Variants in RASGRF2 observed in about 807,000 individuals in gnomAD.
RASGRF2 encodes ras-specific guanine nucleotide-releasing factor 2.
In RASGRF2, 76 loss-of-function variants were observed where a neutral mutation model predicts 151.0. The observed-to-expected ratio is 0.50, with a 90% CI of 0.42 to 0.61. The LOEUF (loss-of-function observed/expected upper bound fraction) is 0.61, where lower values mean the gene tolerates loss of function less well. RASGRF2 is among the 20% of genes least tolerant of loss of function. The probability of loss-of-function intolerance (pLI) is 0.00; values close to 1 mark genes in which losing one functional copy is unlikely to be tolerated. For synonymous variants in RASGRF2, 504 were observed against 566.5 expected (o/e 0.89, Z 1.57); for missense variants, 1,148 against 1,564.6 (o/e 0.73, Z 4.49).
At chr5:81,127,305 CTTGAGACCAGTAGT>C (rs1224542797) in intron 17 of RASGRF2, 142 bp downstream of exon 17, 1 of 830,450 alleles carries the variant, frequency 1.2e-6, no homozygotes, top group Non-Finnish European at 1.8e-6. Context: ...AGAAGGATTG[CTTGAGACCAGTAGT>C]TTGAGACTAG....
chr5:81,102,897 T>G (rs1358870652), intron 12 of RASGRF2, among the ~76,000 whole-genome samples: 1 of 152,096 alleles, frequency 6.6e-6, no homozygotes, highest in East Asian at 1.9e-4. Context: ...TGTGCTCAAA[T>G]TAAAAATTAC....
chr5:81,110,677 T>C (rs1752969160), intron 13 of RASGRF2, among the ~76,000 whole-genome samples: 1 of 152,228 alleles, frequency 6.6e-6, no homozygotes, highest in Non-Finnish European at 1.5e-5. Flanking sequence ...TCAACTTTCT[T>C]AGAAATTAGA....
Position 81,029,016 on chromosome 5 carries a change from C to G in RASGRF2, c.289-13861C>G, listed in dbSNP as rs376215711. Among the ~76,000 whole-genome samples the G allele has an allele frequency of 6.6e-5, 10 of 152,338 alleles. No individual in the cohort carries two copies. In the East Asian group the frequency reaches 1.9e-3, roughly 29 times the overall value. On this transcript the variant is annotated intron_variant, in intron 1 of 26. Transcript: ENST00000265080. ...AGGAGATTATATCCCACGCCTGGCT[C>G]GGAGGGTCCCATGCCCACGGAGCCT...
chr5:81,046,089 C>T (rs994479204), intron 2 of RASGRF2, among the ~76,000 whole-genome samples: 1 of 152,016 alleles, frequency 6.6e-6, no homozygotes, highest in African/African-American at 2.4e-5. Flanking sequence ...TTTAAAAAAT[C>T]AAAACTTTTG....
chr5:81,187,688 G>T (rs1222475412), intron 18 of RASGRF2, among the ~76,000 whole-genome samples: 1 of 152,148 alleles, frequency 6.6e-6, no homozygotes, highest in East Asian at 1.9e-4. Context: ...AGGTAAAGTG[G>T]GGACATGCCC....
At chr5:81,050,761 G>A (rs578112516) in intron 2 of RASGRF2, among the ~76,000 whole-genome samples, 5 of 152,158 alleles carry the variant, frequency 3.3e-5, no homozygotes, top group East Asian at 1.9e-4. Context: ...TTCTTATTTC[G>A]CTCGAAGCAC....
chr5:80,990,182 T>C (rs1748602601), intron 1 of RASGRF2, among the ~76,000 whole-genome samples: 1 of 151,916 alleles, frequency 6.6e-6, no homozygotes, highest in Admixed American at 6.6e-5. Context: ...CTCTGTCGCC[T>C]AAAGGAAAGA....
intron 12 of RASGRF2, among the ~76,000 whole-genome samples, chr5:81,106,366 TC>T (rs1752846506): frequency 6.6e-6 from 1 of 152,184 alleles, no homozygotes; most frequent in African/African-American, 2.4e-5. Flanking sequence ...ATTCTGATCA[TC>T]CCTTGGGTCT....
At chr5:81,215,629 C>T (rs1755720518) in intron 23 of RASGRF2, among the ~76,000 whole-genome samples, 1 of 152,182 alleles carries the variant, frequency 6.6e-6, no homozygotes, top group Admixed American at 6.5e-5. Context: ...TCTTTCCACA[C>T]ATTTTTGCTC....
intron 1 of RASGRF2, among the ~76,000 whole-genome samples, chr5:80,988,395 C>T (rs370629040): frequency 2.6e-5 from 4 of 152,040 alleles, no homozygotes; most frequent in Admixed American, 2.6e-4. Flanking sequence ...AGCCAAGGAC[C>T]ATGTCTTATT....
At chr5:81,005,411 G>T (rs1418380319) in intron 1 of RASGRF2, among the ~76,000 whole-genome samples, 1 of 152,098 alleles carries the variant, frequency 6.6e-6, no homozygotes, top group Non-Finnish European at 1.5e-5. Flanking sequence ...CAGCTTGAGG[G>T]TAATGGCTCC....
chr5:81,154,296 G>A (rs1397236569), intron 17 of RASGRF2, among the ~76,000 whole-genome samples: 4 of 152,136 alleles, frequency 2.6e-5, no homozygotes, highest in African/African-American at 4.8e-5. Context: ...TGTGATCCAG[G>A]CTAGAGTGCA....
chr5:81,100,893 A>G (rs1752681073), intron 12 of RASGRF2, among the ~76,000 whole-genome samples: 1 of 152,230 alleles, frequency 6.6e-6, no homozygotes, highest in African/African-American at 2.4e-5. Context: ...AGAAGTATCA[A>G]GAAGGTGGAA....
intron 1 of RASGRF2, among the ~76,000 whole-genome samples, chr5:81,011,702 T>C (rs1749466709): frequency 6.6e-6 from 1 of 151,354 alleles, no homozygotes; most frequent in Admixed American, 6.6e-5. Flanking sequence ...GATCGAGCCA[T>C]TGCACTCCAG....
At position 81,100,924 on chromosome 5, in the gene RASGRF2, C is replaced by T. The variant is rs115485379; in HGVS notation, c.1755+5932C>T. ...TGGAAAATATGGCAACACAGTAGAC[C>T]GCTGGTCTTTAAATAGGTACTGCCT... is the stretch of plus-strand genomic sequence containing the variant. On this transcript the variant is annotated intron_variant, in intron 12 of 26. Coordinates refer to ENST00000265080, the MANE Select transcript of RASGRF2 (RefSeq NM_006909.3). Among the ~76,000 whole-genome samples the T allele has an allele frequency of 8.8e-3, 1,345 of 152,188 alleles. 9 individuals carry two copies. Among genetic ancestry groups the T allele is most frequent in the Non-Finnish European group, 0.013 (870 of 68,008 alleles).
intron 9 of RASGRF2, chr5:81,087,559 G>GA: frequency 1.7e-6 from 1 of 578,986 alleles, no homozygotes; most frequent in South Asian, 2.3e-5. Context: ...TTAAGCTTTT[G>GA]AAGAGTTGAA....
chr5:81,114,046 G>T (rs942459622), intron 15 of RASGRF2, 126 bp downstream of exon 15: 10 of 1,238,108 alleles, frequency 8.1e-6, no homozygotes, highest in African/African-American at 1.5e-5. Flanking sequence ...AAAGTAGAAT[G>T]AGCTCAATGG....
chr5:80,997,389 ACTT>A, intron 1 of RASGRF2: 1 of 152,318 alleles, frequency 6.6e-6, no homozygotes, highest in South Asian at 2.1e-4. Context: ...GTACAAGGAG[ACTT>A]CTTAATACAG....
chr5:81,124,935 T>C (rs141563151), intron 16 of RASGRF2, among the ~76,000 whole-genome samples: 3,606 of 151,960 alleles, frequency 0.024, 144 homozygotes, highest in African/African-American at 0.083. Context: ...TTACCCAGGC[T>C]GGAGTACAGT....
Sources: gnomAD v4.1 joint callset for allele counts (sites outside exome capture counted in the v4.1 genomes callset) on GRCh38, gnomAD v4.1.1 for gene constraint, MANE v1.5 for transcripts, NCBI Gene and HGNC (gene_info 2026-07-23, HGNC 2026-07-21) for gene names.